PROSER1: variants seen among roughly 807,000 people sequenced by gnomAD.
PROSER1 encodes proline and serine-rich protein 1.
In PROSER1, 36 loss-of-function variants were observed where a neutral mutation model predicts 71.8. That is an observed-to-expected ratio of 0.50 (90% confidence interval 0.38 to 0.66). PROSER1 has a LOEUF of 0.66. Ranked by LOEUF, PROSER1 falls within the 30% of genes least tolerant of loss-of-function variation. The pLI, the probability that PROSER1 is intolerant of heterozygous loss-of-function variation, is 0.00. For missense variants in PROSER1, 1,107 were observed against 1,135.0 expected (o/e 0.98, Z 0.35); for synonymous variants, 490 against 452.4 (o/e 1.08, Z -1.06).
Position 39,010,253 on chromosome 13 carries a change from T to G in PROSER1, c.*1112A>C, listed in dbSNP as rs1869579131. The G allele has an allele frequency of 6.6e-6, 1 of 152,608 alleles. No homozygotes were observed. The highest frequency in any genetic ancestry group is 1.5e-5 in the Non-Finnish European group (1 of 68,030). 9.5% of individuals were successfully genotyped at this position (152,608 alleles called of 1,614,324 possible). A position where few individuals can be genotyped will look rare whatever the true frequency, so the allele number is the denominator to read the frequency against. Reference sequence around the variant, plus strand: ...TTCCCTATGTTGAAGTAAAATACATTAGCAACATCTTCCGGACACCATCTT... The same window carrying G: ...TTCCCTATGTTGAAGTAAAATACATGAGCAACATCTTCCGGACACCATCTT... On this transcript the variant is annotated 3_prime_UTR_variant, in exon 13 of 13. Transcript: ENST00000352251.
At chr13:39,012,055 G>A (rs760483641) in intron 12 of PROSER1, 28 bp downstream of exon 12, 11 of 1,604,374 alleles carry the variant, frequency 6.9e-6, no homozygotes, top group Admixed American at 1.7e-5. Flanking sequence ...ATGTTACCAT[G>A]TAATTTATGC....
intron 5 of PROSER1, 36 bp from the exon 6 acceptor site, chr13:39,026,423 T>A (rs1006706006): frequency 7.2e-7 from 1 of 1,387,938 alleles, no homozygotes; most frequent in African/African-American, 1.5e-5. Flanking sequence ...AGGAAAAAAA[T>A]TCTTAAAAGA....
At position 39,013,122 on chromosome 13, in the gene PROSER1, A is replaced by C. The variant is rs1486602334; in HGVS notation, c.2130T>G (p.Thr710=). 9 of 1,614,206 alleles carry C rather than the reference A, an allele frequency of 5.6e-6. No homozygotes were observed. Among genetic ancestry groups the C allele is most frequent in the Admixed American group, 1.7e-5 (1 of 60,026 alleles). ...FTSLTNNFPL[T]GNPSLNPSVS... Reference sequence around the variant, plus strand: ...CTGACGGATTAAGAGATGGGTTGCCAGTTAAAGGAAAATTGTTGGTCAAAG... The same window carrying C: ...CTGACGGATTAAGAGATGGGTTGCCCGTTAAAGGAAAATTGTTGGTCAAAG... The change falls in exon 11 of 13, where the codon ACT becomes ACG. Residue 710 remains threonine (T), a synonymous_variant. Coordinates refer to ENST00000352251, the MANE Select transcript of PROSER1 (RefSeq NM_025138.5).
intron 10 of PROSER1, among the ~76,000 whole-genome samples, chr13:39,016,164 TA>T (rs898806505): frequency 2.6e-5 from 4 of 152,094 alleles, no homozygotes; most frequent in East Asian, 3.9e-4. Flanking sequence ...CGAACAAAAA[TA>T]AAAAAAATCC....
intron 12 of PROSER1, 38 bp downstream of exon 12, chr13:39,012,045 A>G (rs771790360): frequency 3.4e-5 from 55 of 1,598,028 alleles, no homozygotes; most frequent in Non-Finnish European, 4.5e-5. Context: ...TTAGTTATAC[A>G]TGTTACCATG....
In PROSER1 at chr13:39,013,822, G is replaced by A. The variant is rs778077292; in HGVS notation, c.1430C>T (p.Thr477Ile). 6 of 1,614,220 alleles carry A rather than the reference G, an allele frequency of 3.7e-6. No homozygotes were observed. The highest frequency in any genetic ancestry group is 3.3e-5 in the Admixed American group (2 of 60,030). The stretch of plus-strand genomic sequence containing the variant: ...GTTGATTAAATTGGTGTCATTGGAT[G>A]TCAGAAAACCTTTTAACGCAGACAA... ...PLLSALKGFL[T>I]SNDTNLINSS... The change falls in exon 11 of 13, where the codon ACA becomes ATA. Residue 477 changes from threonine (T) to isoleucine (I), a missense_variant. Transcript: ENST00000352251.
rs562310203 is a variant in PROSER1, at chr13:39,037,706, T to A, written c.-464A>T. 195 of 153,028 alleles carry A rather than the reference T, an allele frequency of 1.3e-3. 2 individuals carry two copies. The highest frequency in any genetic ancestry group is 4.4e-3 in the African/African-American group (183 of 41,532). The allele number at this position is 153,028 out of a possible 1,614,324, so 9.5% of individuals were successfully genotyped here. A position where few individuals can be genotyped will look rare whatever the true frequency, so the allele number is the denominator to read the frequency against. On this transcript the variant is annotated 5_prime_UTR_variant, in exon 1 of 13. Transcript: ENST00000352251. ...CGGGCGGCGGGGAGGGAGGCGCCGG[T>A]CTCTCGACCCGCACCTGCGCCTCGG...
In PROSER1 at chr13:39,029,268, A is replaced by G; in HGVS notation, c.275+13T>C. 7.3e-7 allele frequency: 1 copy of G among 1,375,906 alleles called. No individual in the cohort carries two copies. The highest frequency in any genetic ancestry group is 9.8e-7 in the Non-Finnish European group (1 of 1,017,846). 85.2% of individuals were successfully genotyped at this position (1,375,906 alleles called of 1,614,324 possible). ...CAAGTAAAAAAAAAAAAAAAAAAAA[A>G]AGAAATACTTACGAGGCTAACAGTT... On this transcript the variant is annotated intron_variant, in intron 4 of 12. Transcript: ENST00000352251.
At chr13:39,028,196 A>G in intron 5 of PROSER1, 31 bp downstream of exon 5, 1 of 1,216,184 alleles carries the variant, frequency 8.2e-7, no homozygotes, top group South Asian at 1.2e-5. Context: ...AAACCAGCGT[A>G]CCAAGTACAT....
At chr13:39,019,513 T>C (rs1201604612) in intron 9 of PROSER1, among the ~76,000 whole-genome samples, 3 of 82,446 alleles carry the variant, frequency 3.6e-5, no homozygotes, top group Admixed American at 1.4e-4. Context: ...CAAAACTCTG[T>C]CTCAAAAAAA....
intron 9 of PROSER1, 74 bp from the exon 10 acceptor site, chr13:39,017,618 A>G: frequency 1.2e-6 from 1 of 802,240 alleles, no homozygotes; most frequent in Non-Finnish European, 2.0e-6. Flanking sequence ...AGATATTTGG[A>G]TAAAAAGAAA....
At chr13:39,025,111 C>A (rs1870483545) in intron 6 of PROSER1, among the ~76,000 whole-genome samples, 1 of 151,956 alleles carries the variant, frequency 6.6e-6, no homozygotes, top group Admixed American at 6.6e-5. Flanking sequence ...TCCAATGCCA[C>A]AGTATGTATA....
chr13:39,017,768 A>C (rs369568996), intron 9 of PROSER1: 5 of 403,366 alleles, frequency 1.2e-5, no homozygotes, highest in Admixed American at 4.7e-5. Context: ...GGATTACCAG[A>C]AACTGAGTGA....
Position 39,013,409 on chromosome 13 carries a change from T to C in PROSER1, c.1843A>G (p.Thr615Ala), listed in dbSNP as rs999056972. ...GATGGACCTTTGAAGGCCGAGGGAG[T>C]AGGACTTGTGGGCTCAGTTTTGATC... The part of the protein sequence containing the change: ...VMIKTEPTSP[T>A]PSAFKGPSHS... Residue 615 changes from threonine to alanine, a missense_variant, in exon 11 of 13, where the codon ACT (threonine) becomes GCT (alanine). Coordinates refer to ENST00000352251, the MANE Select transcript of PROSER1 (RefSeq NM_025138.5). The C allele has an allele frequency of 5.0e-6, 8 of 1,613,368 alleles. No homozygotes were observed. The highest frequency in any genetic ancestry group is 1.1e-5 in the South Asian group (1 of 91,058).
Position 39,037,804 on chromosome 13 carries a change from C to T in PROSER1, c.-562G>A, listed in dbSNP as rs1212992670. The T allele has an allele frequency of 1.3e-5, 2 of 152,310 alleles. No homozygotes were observed. Among genetic ancestry groups the T allele is most frequent in the African/African-American group, 2.4e-5 (1 of 41,452 alleles). The allele number at this position is 152,310 out of a possible 1,614,324, so 9.4% of individuals were successfully genotyped here. A position where few individuals can be genotyped will look rare whatever the true frequency, so the allele number is the denominator to read the frequency against. ...CTCGCGCTCATCCCCAGCCGCTCCG[C>T]CCGACTCCTGGATACCTCGGCCCCG... On this transcript the variant is annotated 5_prime_UTR_variant, in exon 1 of 13. Coordinates refer to ENST00000352251, the MANE Select transcript of PROSER1 (RefSeq NM_025138.5).
At chr13:39,034,221 C>G (rs778985118) in intron 1 of PROSER1, 25 bp from the exon 2 acceptor site, 45 of 1,526,450 alleles carry the variant, frequency 2.9e-5, no homozygotes, top group Non-Finnish European at 3.8e-5. Context: ...CACACACACA[C>G]AGAGTAAAAC....
At chr13:39,020,356 C>G (rs961273599) in intron 9 of PROSER1, among the ~76,000 whole-genome samples, 2 of 151,850 alleles carry the variant, frequency 1.3e-5, no homozygotes, top group Non-Finnish European at 2.9e-5. Context: ...TACTATATAG[C>G]TCTCTCTCTG....
At chr13:39,022,441 A>G in intron 8 of PROSER1, 29 bp from the exon 9 acceptor site, 1 of 1,459,738 alleles carries the variant, frequency 6.9e-7, no homozygotes, top group African/African-American at 1.4e-5. Flanking sequence ...AGAAAAAAAT[A>G]TACCTTAGGA....
Position 39,013,884 on chromosome 13 carries a change from G to T in PROSER1, c.1368C>A (p.Pro456=). 2 of 1,614,206 alleles carry T rather than the reference G, an allele frequency of 1.2e-6. No homozygotes were observed. The highest frequency in any genetic ancestry group is 3.3e-5 in the Admixed American group (2 of 60,024). ...PTPVIAGGST[P]SVAGPLGVNS... ...TCACACCAAGTGGACCGGCAACGCT[G>T]GGAGTAGAGCCACCAGCAATTACAG... Residue 456 remains proline (P), a synonymous_variant, in exon 11 of 13, where the codon CCC becomes CCA. Coordinates refer to ENST00000352251, the MANE Select transcript of PROSER1 (RefSeq NM_025138.5).
Sources: allele counts gnomAD v4.1 joint callset (sites outside exome capture counted in the v4.1 genomes callset), GRCh38; gene constraint gnomAD v4.1.1; transcripts MANE v1.5; gene names NCBI Gene and HGNC (gene_info 2026-07-23, HGNC 2026-07-21).